The following C8orf34 variants were observed in gnomAD, a reference collection of about 807,000 sequenced individuals.
C8orf34 encodes the protein chromosome 8 open reading frame 34, also known as uncharacterized protein C8orf34.
In C8orf34, 65 loss-of-function variants were observed where a neutral mutation model predicts 68.3. That is an observed-to-expected ratio of 0.95 (90% CI 0.78 to 1.17). The LOEUF is 1.17. Among genes scored for constraint, C8orf34 ranks in the 50% most tolerant of loss-of-function variants. C8orf34 has a pLI of 0.00. For missense variants in C8orf34, 664 were observed against 655.4 expected, an observed-to-expected ratio of 1.01 and a Z score of -0.14; for synonymous variants, 244 against 241.2, an observed-to-expected ratio of 1.01 and a Z score of -0.11.
chr8:68,566,257 C>T (rs1816585060), intron 7 of C8orf34, among the ~76,000 whole-genome samples: 1 of 152,044 alleles, frequency 6.6e-6, no homozygotes, highest in Non-Finnish European at 1.5e-5. Context: ...ATTTCATCAC[C>T]CAGGTATTAA....
intron 7 of C8orf34, among the ~76,000 whole-genome samples, chr8:68,583,575 C>T (rs1029137902): frequency 8.5e-5 from 13 of 152,054 alleles, no homozygotes; most frequent in Admixed American, 3.3e-4. Context: ...TTCAAATCCC[C>T]GGACTGATAT....
At chr8:68,717,929 T>C (rs1821524383) in intron 9 of C8orf34, among the ~76,000 whole-genome samples, 1 of 152,160 alleles carries the variant, frequency 6.6e-6, no homozygotes, top group South Asian at 2.1e-4. Flanking sequence ...AATGTGTCAC[T>C]AGCAACATGG....
intron 1 of C8orf34, among the ~76,000 whole-genome samples, chr8:68,357,047 A>G (rs1806779898): frequency 6.6e-6 from 1 of 152,094 alleles, no homozygotes; most frequent in Non-Finnish European, 1.5e-5. Flanking sequence ...TATTATCTTT[A>G]ATTTTCTTTT....
At chr8:68,330,918 C>T (rs1347805715), upstream of C8orf34, 1 of 1,027,970 alleles carries the variant, frequency 9.7e-7, no homozygotes, top group South Asian at 2.1e-5. Context: ...GCTGCTGCCG[C>T]CCAGAGGAGA....
chr8:68,360,434 C>T (rs1806934130), intron 1 of C8orf34, among the ~76,000 whole-genome samples: 1 of 152,178 alleles, frequency 6.6e-6, no homozygotes, highest in African/African-American at 2.4e-5. Context: ...CATGCCAATA[C>T]TTGTAGACAA....
chr8:68,338,985 T>C (rs1805964217), intron 1 of C8orf34, among the ~76,000 whole-genome samples: 1 of 152,134 alleles, frequency 6.6e-6, no homozygotes, highest in African/African-American at 2.4e-5. Context: ...AATTTTCTTT[T>C]CTTGTGATTA....
intron 4 of C8orf34, among the ~76,000 whole-genome samples, chr8:68,483,151 A>T (rs1309640425): frequency 6.6e-6 from 1 of 152,232 alleles, no homozygotes; most frequent in Non-Finnish European, 1.5e-5. Flanking sequence ...GTGGCTGAGC[A>T]GATGCCTGGA....
chr8:68,394,147 T>C (rs1431333643), intron 1 of C8orf34, among the ~76,000 whole-genome samples: 1 of 151,860 alleles, frequency 6.6e-6, no homozygotes, highest in Non-Finnish European at 1.5e-5. Flanking sequence ...TGCAGGTTAG[T>C]TACATATGTA....
chr8:68,725,545 C>A (rs550973174), intron 10 of C8orf34, among the ~76,000 whole-genome samples: 4 of 152,322 alleles, frequency 2.6e-5, no homozygotes, highest in Non-Finnish European at 5.9e-5. Flanking sequence ...ATTTGTACAG[C>A]ACTTTTTAAT....
In C8orf34 at chr8:68,694,544, G is replaced by A. The variant is rs1034390621; in HGVS notation, c.1242-14450G>A. On this transcript the variant is annotated intron_variant, in intron 8 of 13. Transcript: ENST00000518698. Reference sequence around the variant, plus strand: ...TAAAAACCTTTCTAACAATTTAACAGCAATAGCACTGTTAGAGTTTATTTT... The same window carrying A: ...TAAAAACCTTTCTAACAATTTAACAACAATAGCACTGTTAGAGTTTATTTT... Among the ~76,000 whole-genome samples the A allele has an allele frequency of 3.3e-5, 5 of 152,144 alleles. No individual in the cohort carries two copies. The East Asian group carries it at 9.7e-4, about 30-fold the overall frequency.
Position 68,798,222 on chromosome 8 carries a change from T to C in C8orf34, c.1549+10686T>C, listed in dbSNP as rs115553992. Among the ~76,000 whole-genome samples the C allele has an allele frequency of 2.9e-3, 436 of 151,522 alleles. 2 individuals are homozygous for C. Among genetic ancestry groups the C allele is most frequent in the African/African-American group, 0.01 (420 of 41,306 alleles). ...CAAGCTGGTCTCAAACTCCTTGAGCTCAAGTGCTCCTCCTGCCTTGGCCTT... is the reference window on the plus strand; with the variant it reads ...CAAGCTGGTCTCAAACTCCTTGAGCCCAAGTGCTCCTCCTGCCTTGGCCTT... On this transcript the variant is annotated intron_variant, in intron 12 of 13. Coordinates refer to ENST00000518698, the MANE Select transcript of C8orf34 (RefSeq NM_052958.4).
chr8:68,527,699 C>CCTT (rs1815071369), intron 6 of C8orf34, among the ~76,000 whole-genome samples: 1 of 152,194 alleles, frequency 6.6e-6, no homozygotes, highest in Non-Finnish European at 1.5e-5. Context: ...GCATTTAAAT[C>CCTT]CTTTGCTCTA....
At chr8:68,589,270 A>G (rs1412614666) in intron 7 of C8orf34, among the ~76,000 whole-genome samples, 1 of 152,066 alleles carries the variant, frequency 6.6e-6, no homozygotes, top group Non-Finnish European at 1.5e-5. Context: ...CCTTTCTTTC[A>G]TATTTCATTG....
chr8:68,565,261 C>T (rs944111538), intron 7 of C8orf34, among the ~76,000 whole-genome samples: 1 of 152,144 alleles, frequency 6.6e-6, no homozygotes, highest in Non-Finnish European at 1.5e-5. Flanking sequence ...GATCGTTGTT[C>T]TCCTGAAGGA....
At chr8:68,622,307 A>G (rs4313142) in intron 7 of C8orf34, among the ~76,000 whole-genome samples, 99,195 of 152,134 alleles carry the variant, frequency 0.65, 32,727 homozygotes, top group African/African-American at 0.72. Flanking sequence ...TTAAAAGCAA[A>G]TCACTACATC....
chr8:68,369,120 TAATA>T (rs1168018241), intron 1 of C8orf34, among the ~76,000 whole-genome samples: 2 of 152,226 alleles, frequency 1.3e-5, no homozygotes, highest in African/African-American at 4.8e-5. Context: ...AGCAGACAAG[TAATA>T]AATATTTTTA....
chr8:68,815,825 G>A, intron 12 of C8orf34, 61 bp from the exon 13 acceptor site: 2 of 1,612,790 alleles, frequency 1.2e-6, no homozygotes, highest in Non-Finnish European at 1.7e-6. Context: ...GCTAGGGAAT[G>A]GTATTTAATC....
intron 7 of C8orf34, among the ~76,000 whole-genome samples, chr8:68,629,163 A>T (rs1818619232): frequency 6.6e-6 from 1 of 152,212 alleles, no homozygotes; most frequent in Non-Finnish European, 1.5e-5. Context: ...GATGATAATT[A>T]TACCAGGTTT....
At chr8:68,464,961 A>C (rs1198287737) in intron 3 of C8orf34, among the ~76,000 whole-genome samples, 25 of 151,138 alleles carry the variant, frequency 1.7e-4, no homozygotes, top group Admixed American at 1.3e-3. Flanking sequence ...GGATCTAATT[A>C]AACTAAAGAG....
Sources: gnomAD v4.1 joint callset for allele counts (sites outside exome capture counted in the v4.1 genomes callset) on GRCh38, gnomAD v4.1.1 for gene constraint, MANE v1.5 for transcripts, NCBI Gene and HGNC (gene_info 2026-07-23, HGNC 2026-07-21) for gene names.